The following SMAD9 variants were observed in gnomAD, a reference collection of about 807,000 sequenced individuals.
SMAD9 encodes SMAD family member 9.
In SMAD9, 36 loss-of-function variants were observed where a neutral mutation model predicts 46.1. The observed-to-expected ratio is 0.78, with a 90% CI of 0.60 to 1.03. SMAD9 has a LOEUF of 1.03. Among genes scored for constraint, SMAD9 ranks in the 50% least tolerant of loss-of-function variants. SMAD9 has a pLI of 0.00. For missense variants in SMAD9, 572 were observed against 599.8 expected (o/e 0.95, Z 0.48); for synonymous variants, 245 against 237.1 (o/e 1.03, Z -0.31).
intron 3 of SMAD9, among the ~76,000 whole-genome samples, chr13:36,868,453 G>T (rs2058257074): frequency 6.6e-6 from 1 of 152,204 alleles, no homozygotes. Context: ...TCAAGAAGCA[G>T]AACAGGCTGA....
At chr13:36,872,288 A>G (rs78065748) in intron 3 of SMAD9, among the ~76,000 whole-genome samples, 2,956 of 151,334 alleles carry the variant, frequency 0.02, 96 homozygotes, top group African/African-American at 0.068. Flanking sequence ...GTAAAGGCCT[A>G]GCATTGATCT....
intron 1 of SMAD9, among the ~76,000 whole-genome samples, chr13:36,915,972 T>C (rs992970324): frequency 6.6e-6 from 1 of 152,244 alleles, no homozygotes; most frequent in African/African-American, 2.4e-5. Context: ...TAATACTGGA[T>C]TGTTACACAG....
chr13:36,887,060 T>C (rs1267219247), intron 1 of SMAD9, among the ~76,000 whole-genome samples: 1 of 140,854 alleles, frequency 7.1e-6, no homozygotes, highest in Non-Finnish European at 1.5e-5. Flanking sequence ...TTTTTTTTTT[T>C]TTTGTAGAGA....
intron 5 of SMAD9, among the ~76,000 whole-genome samples, chr13:36,854,723 C>T (rs1566013444): frequency 6.6e-6 from 1 of 152,144 alleles, no homozygotes; most frequent in Non-Finnish European, 1.5e-5. Context: ...GAAAATGTAA[C>T]TTAAGTGCAC....
At chr13:36,877,907 GA>G (rs370128700) in intron 2 of SMAD9, among the ~76,000 whole-genome samples, 8 of 152,264 alleles carry the variant, frequency 5.3e-5, no homozygotes, top group Middle Eastern at 3.4e-3. Context: ...TGCCTACGTA[GA>G]CAGGACCATC....
chr13:36,898,336 C>A (rs2058546448), intron 1 of SMAD9, among the ~76,000 whole-genome samples: 1 of 152,038 alleles, frequency 6.6e-6, no homozygotes, highest in Non-Finnish European at 1.5e-5. Context: ...CTGGAGAGCT[C>A]TATCAAACAT....
intron 6 of SMAD9, chr13:36,849,402 G>T (rs1177082291): frequency 6.6e-6 from 1 of 151,970 alleles, no homozygotes; most frequent in Non-Finnish European, 1.5e-5. Context: ...TCAATGAAAG[G>T]ATATTTAAAA....
chr13:36,906,064 T>C (rs9576132), intron 1 of SMAD9, among the ~76,000 whole-genome samples: 38,643 of 151,952 alleles, frequency 0.25, 5,151 homozygotes, highest in African/African-American at 0.34. Context: ...TAACAAAGAC[T>C]CTAAGGAATG....
At chr13:36,882,876 A>C (rs752351590) in intron 1 of SMAD9, among the ~76,000 whole-genome samples, 2 of 152,136 alleles carry the variant, frequency 1.3e-5, no homozygotes, top group South Asian at 4.1e-4. Context: ...AGGTGGGAGG[A>C]TCACTTGAGC....
chr13:36,855,193 G>C (rs1419934960), intron 5 of SMAD9, among the ~76,000 whole-genome samples: 1 of 144,604 alleles, frequency 6.9e-6, no homozygotes, highest in East Asian at 2.1e-4. Context: ...AGGCTGCAGT[G>C]AGCGAAGATC....
At chr13:36,884,377 G>A (rs766625072) in intron 1 of SMAD9, among the ~76,000 whole-genome samples, 5 of 152,100 alleles carry the variant, frequency 3.3e-5, no homozygotes, top group Non-Finnish European at 5.9e-5. Flanking sequence ...CCTTCTTTGG[G>A]CAGAGAGAAA....
intron 1 of SMAD9, among the ~76,000 whole-genome samples, chr13:36,894,644 C>T (rs2058513838): frequency 1.3e-5 from 2 of 152,100 alleles, no homozygotes; most frequent in African/African-American, 4.8e-5. Context: ...TGCTTCCTGA[C>T]CTCTTCCTCT....
At chr13:36,892,767 CAGCAA>C (rs1463032596) in intron 1 of SMAD9, among the ~76,000 whole-genome samples, 2 of 152,134 alleles carry the variant, frequency 1.3e-5, no homozygotes, top group East Asian at 1.9e-4. Flanking sequence ...TAATCTTGAG[CAGCAA>C]AGCAAAGACA....
At chr13:36,870,231 C>T (rs17216838) in intron 3 of SMAD9, among the ~76,000 whole-genome samples, 3,253 of 152,266 alleles carry the variant, frequency 0.021, 70 homozygotes, top group Non-Finnish European at 0.027. Context: ...AAAGTCAGCA[C>T]AGGAAGTCTT....
chr13:36,889,452 G>A (rs768112516), intron 1 of SMAD9, among the ~76,000 whole-genome samples: 7 of 152,106 alleles, frequency 4.6e-5, no homozygotes, highest in Non-Finnish European at 8.8e-5. Context: ...TAAATCGCAA[G>A]AACTCAGCAG....
intron 4 of SMAD9, among the ~76,000 whole-genome samples, chr13:36,866,645 T>C (rs1040255886): frequency 3.3e-5 from 5 of 152,174 alleles, no homozygotes; most frequent in African/African-American, 1.2e-4. Context: ...GCTTATAAAA[T>C]ATTCACTTGG....
chr13:36,905,451 C>T (rs1467681647), intron 1 of SMAD9, among the ~76,000 whole-genome samples: 1 of 151,930 alleles, frequency 6.6e-6, no homozygotes. Context: ...AGAACTGGAG[C>T]CGTTTTAAAA....
intron 1 of SMAD9, among the ~76,000 whole-genome samples, chr13:36,896,353 G>A (rs973590538): frequency 2.0e-5 from 3 of 151,746 alleles, no homozygotes. Flanking sequence ...GGCTGGTTTC[G>A]AACTCCTTGG....
In SMAD9 at chr13:36,871,517, C is replaced by CAAAA. The variant is rs1555240098; in HGVS notation, c.670+1137_670+1140dup. On this transcript the variant is annotated intron_variant, in intron 3 of 6. Coordinates refer to ENST00000379826, the MANE Select transcript of SMAD9 (RefSeq NM_001127217.3). ...TGGGTGACAGAGCAAGACTCCGTCTCAAAATAAAAAATAAAAAATAAAAAT... is the reference window on the plus strand; with the variant it reads ...TGGGTGACAGAGCAAGACTCCGTCTCAAAAAAAATAAAAAATAAAAAATAAAAAT... Among the ~76,000 whole-genome samples, 1,130 of 148,622 alleles carry CAAAA rather than the reference C, an allele frequency of 7.6e-3. 11 individuals carry two copies. The highest frequency in any genetic ancestry group is 0.027 in the African/African-American group (1,059 of 39,938).
Sources: allele counts gnomAD v4.1 joint callset (sites outside exome capture counted in the v4.1 genomes callset), GRCh38; gene constraint gnomAD v4.1.1; transcripts MANE v1.5; gene names NCBI Gene and HGNC (gene_info 2026-07-23, HGNC 2026-07-21).